The following PTPRD variants were observed in gnomAD, a reference collection of about 807,000 sequenced individuals.
PTPRD encodes receptor-type tyrosine-protein phosphatase delta.
In PTPRD, 34 loss-of-function variants were observed where a neutral mutation model predicts 214.5. That is an observed-to-expected ratio of 0.16 (90% CI 0.12 to 0.21). The LOEUF (loss-of-function observed/expected upper bound fraction) is 0.21, where lower values mean the gene tolerates loss of function less well. Ranked by LOEUF, PTPRD falls within the 10% of genes least tolerant of loss-of-function variation. The pLI is 1.00. For missense variants in PTPRD, 2,545 were observed against 2,398.7 expected, an observed-to-expected ratio of 1.06 and a Z score of -1.27; for synonymous variants, 1,128 against 845.7, an observed-to-expected ratio of 1.33 and a Z score of -5.79.
chr9:10,218,843 TAAG>T (rs987615405), intron 3 of PTPRD, among the ~76,000 whole-genome samples: 2 of 151,776 alleles, frequency 1.3e-5, no homozygotes, highest in Non-Finnish European at 2.9e-5. Context: ...TAAAAACAGT[TAAG>T]GTTATTATTA....
At chr9:10,537,947 A>G (rs900609638) in intron 2 of PTPRD, among the ~76,000 whole-genome samples, 5 of 152,106 alleles carry the variant, frequency 3.3e-5, no homozygotes, top group African/African-American at 1.2e-4. Context: ...AGAAATTCTG[A>G]GGATGACACC....
chr9:9,584,336 A>T (rs947136625), intron 7 of PTPRD, among the ~76,000 whole-genome samples: 4 of 147,614 alleles, frequency 2.7e-5, no homozygotes, highest in African/African-American at 7.4e-5. Context: ...AAGCTACTAC[A>T]TTAAAACATT....
intron 8 of PTPRD, among the ~76,000 whole-genome samples, chr9:9,419,006 T>C (rs2142339179): frequency 6.6e-6 from 1 of 151,872 alleles, no homozygotes; most frequent in East Asian, 1.9e-4. Context: ...CATCAGGGCT[T>C]AATTTTGCAG....
chr9:9,510,141 A>G (rs1419131533), intron 8 of PTPRD, among the ~76,000 whole-genome samples: 2 of 151,752 alleles, frequency 1.3e-5, no homozygotes, highest in East Asian at 1.9e-4. Context: ...CATTGGTTCC[A>G]TATGGGTGGA....
chr9:8,457,108 T>G (rs747187999), intron 33 of PTPRD, among the ~76,000 whole-genome samples: 1 of 152,146 alleles, frequency 6.6e-6, no homozygotes, highest in South Asian at 2.1e-4. Flanking sequence ...TTTAATGTTT[T>G]CAGATTATAG....
chr9:8,899,935 A>G (rs1218436133), intron 11 of PTPRD, among the ~76,000 whole-genome samples: 1 of 152,228 alleles, frequency 6.6e-6, no homozygotes, highest in Non-Finnish European at 1.5e-5. Context: ...GGAAACATGA[A>G]TCTTTGTGGA....
chr9:9,931,428 C>T (rs2086498297), intron 5 of PTPRD, among the ~76,000 whole-genome samples: 1 of 152,208 alleles, frequency 6.6e-6, no homozygotes, highest in Admixed American at 6.5e-5. Context: ...TGCAAGGTGT[C>T]AGGGAGTTCC....
intron 11 of PTPRD, among the ~76,000 whole-genome samples, chr9:8,841,442 T>G (rs57703263): frequency 5.9e-5 from 9 of 152,194 alleles, no homozygotes; most frequent in Admixed American, 5.2e-4. Flanking sequence ...TTTTTTTTAA[T>G]TAAAAAATGT....
chr9:10,149,733 C>CTT (rs1368624726), intron 3 of PTPRD, among the ~76,000 whole-genome samples: 3 of 142,434 alleles, frequency 2.1e-5, no homozygotes, highest in Non-Finnish European at 1.5e-5. Context: ...CTTTTTTTTT[C>CTT]TTTTTTTTTT....
rs113071195 is a variant in PTPRD at position 8,641,577 on chromosome 9, T to C, written c.65-4733A>G. ...GAAAGTCTATTTTCTAAATGGAAAG[T>C]AGAGAAGCTACGCATGCATATGCGT... On this transcript the variant is annotated intron_variant, in intron 12 of 45. Coordinates refer to ENST00000381196, the MANE Select transcript of PTPRD (RefSeq NM_002839.4). Among the ~76,000 whole-genome samples the C allele has an allele frequency of 5.5e-3, 742 of 135,116 alleles. 14 individuals carry two copies. The highest frequency in any genetic ancestry group is 0.029 in the Middle Eastern group (8 of 278). The allele number at this position is 135,116 out of a possible 152,430, so 88.6% of individuals were successfully genotyped here.
intron 10 of PTPRD, among the ~76,000 whole-genome samples, chr9:9,022,326 T>C (rs1409784524): frequency 6.6e-6 from 1 of 152,132 alleles, no homozygotes; most frequent in African/African-American, 2.4e-5. Context: ...CACTCGTTGA[T>C]TCACCTAGAG....
intron 8 of PTPRD, among the ~76,000 whole-genome samples, chr9:9,507,320 A>G (rs529453171): frequency 3.3e-5 from 5 of 151,344 alleles, no homozygotes; most frequent in African/African-American, 1.2e-4. Flanking sequence ...ATATATTAAG[A>G]ATGCTACCTG....
At chr9:10,258,402 C>T (rs1393698853) in intron 3 of PTPRD, among the ~76,000 whole-genome samples, 1 of 152,020 alleles carries the variant, frequency 6.6e-6, no homozygotes, top group Non-Finnish European at 1.5e-5. Flanking sequence ...CATAAGAGAA[C>T]AGAGGAACAT....
intron 12 of PTPRD, among the ~76,000 whole-genome samples, chr9:8,667,415 A>G (rs932044917): frequency 6.6e-6 from 1 of 152,184 alleles, no homozygotes; most frequent in Admixed American, 6.5e-5. Flanking sequence ...CCAGTTCAAC[A>G]TATCCTCATG....
intron 9 of PTPRD, among the ~76,000 whole-genome samples, chr9:9,269,883 A>T (rs1942061997): frequency 6.6e-6 from 1 of 151,206 alleles, no homozygotes; most frequent in Non-Finnish European, 1.5e-5. Flanking sequence ...GATGTTGGTC[A>T]AAGGGTACAA....
chr9:9,184,152 A>G lies in PTPRD; in HGVS notation c.-202-789T>C, dbSNP rs1420945856. ...ATCTCATGGGGAGAGACTTTTTGAC[A>G]CCCTGCTCCCTCTAAGTTTTAGTTA... On this transcript the variant is annotated intron_variant, in intron 9 of 45. Coordinates refer to ENST00000381196, the MANE Select transcript of PTPRD (RefSeq NM_002839.4). Among the ~76,000 whole-genome samples, 3 of 151,974 alleles carry G rather than the reference A, an allele frequency of 2.0e-5. No homozygotes were observed. The South Asian group carries it at 6.2e-4, about 32-fold the overall frequency.
intron 9 of PTPRD, among the ~76,000 whole-genome samples, chr9:9,183,957 C>T (rs2099929827): frequency 6.6e-6 from 1 of 152,020 alleles, no homozygotes; most frequent in South Asian, 2.1e-4. Context: ...TAAAAAGGCA[C>T]AATGTCTTAA....
chr9:10,294,018 G>A (rs544665754), intron 3 of PTPRD, among the ~76,000 whole-genome samples: 1 of 151,912 alleles, frequency 6.6e-6, no homozygotes, highest in Admixed American at 6.6e-5. Context: ...GGCATATTCT[G>A]TAATAAACAT....
chr9:9,063,030 T>C (rs1009450040), intron 10 of PTPRD, among the ~76,000 whole-genome samples: 1 of 152,140 alleles, frequency 6.6e-6, no homozygotes. Context: ...CTAACACTTA[T>C]CTGGGCAGTA....
Sources: allele counts gnomAD v4.1 joint callset (sites outside exome capture counted in the v4.1 genomes callset), GRCh38; gene constraint gnomAD v4.1.1; transcripts MANE v1.5; gene names NCBI Gene and HGNC (gene_info 2026-07-23, HGNC 2026-07-21).